The following VGLL4 variants were observed in gnomAD, a reference collection of about 807,000 sequenced individuals.
VGLL4 encodes the protein vestigial like family member 4.
VGLL4 carries 7 observed loss-of-function variants against 21.0 expected under a neutral mutation model. The observed-to-expected ratio is 0.33, with a 90% confidence interval of 0.19 to 0.63. VGLL4 has a LOEUF of 0.63. Ranked by LOEUF, VGLL4 falls within the 20% of genes least tolerant of loss-of-function variation. The pLI, the probability that VGLL4 is intolerant of heterozygous loss-of-function variation, is 0.78. For synonymous variants in VGLL4, 222 were observed against 173.2 expected (o/e 1.28, Z -2.21); for missense variants, 394 against 425.7 (o/e 0.93, Z 0.66).
chr3:11,675,118 G>T (rs918562792), intron 2 of VGLL4, among the ~76,000 whole-genome samples: 2 of 152,196 alleles, frequency 1.3e-5, no homozygotes, highest in Non-Finnish European at 2.9e-5. Flanking sequence ...GAGGTGGGTG[G>T]ATCACCTGAG....
At chr3:11,573,306 A>AAT (rs2073898845) in intron 2 of VGLL4, among the ~76,000 whole-genome samples, 1 of 14,054 alleles carries the variant, frequency 7.1e-5, no homozygotes, top group Non-Finnish European at 1.2e-4. Flanking sequence ...AAAGAAAGAA[A>AAT]GGAAGGAAGG....
chr3:11,666,248 C>CAAA (rs61052269), intron 2 of VGLL4, among the ~76,000 whole-genome samples: 1 of 91,546 alleles, frequency 1.1e-5, no homozygotes, highest in East Asian at 3.2e-4. Context: ...GACTGCGCCT[C>CAAA]AAAAAAAAAA....
At chr3:11,720,185 G>A (rs1250197488) in intron 1 of VGLL4, among the ~76,000 whole-genome samples, 1 of 150,240 alleles carries the variant, frequency 6.7e-6, no homozygotes, top group Non-Finnish European at 1.5e-5. Flanking sequence ...GAGTTCAGCC[G>A]AACCTGCGGC....
At chr3:11,564,706 C>CGCCCTCCCTCACCACT in intron 3 of VGLL4, 91 bp downstream of exon 3, 6 of 1,445,830 alleles carry the variant, frequency 4.1e-6, no homozygotes, top group Non-Finnish European at 5.6e-6. Context: ...CCCTCACCAC[C>CGCCCTCCCTCACCACT]GCCCTCGGAG....
rs184495983 is a variant in VGLL4 at position 11,591,107 on chromosome 3, G to A, written c.272+10726C>T. On this transcript the variant is annotated intron_variant, in intron 2 of 4. Transcript: ENST00000430365. ...GTGCCCAGAGCAGAAGCATCTTCGCGAAGACAGCATTCCAAAAAGCACACT... is the reference window on the plus strand; with the variant it reads ...GTGCCCAGAGCAGAAGCATCTTCGCAAAGACAGCATTCCAAAAAGCACACT... Among the ~76,000 whole-genome samples the A allele has an allele frequency of 5.9e-5, 9 of 152,280 alleles. No individual in the cohort carries two copies. The East Asian group carries it at 7.7e-4, about 13-fold the overall frequency.
chr3:11,674,186 T>C (rs965636953), intron 2 of VGLL4, among the ~76,000 whole-genome samples: 3 of 152,134 alleles, frequency 2.0e-5, no homozygotes, highest in African/African-American at 7.2e-5. Context: ...AGATGTTTTC[T>C]GCAATATCTC....
At chr3:11,620,486 G>A (rs2075244915) in intron 1 of VGLL4, among the ~76,000 whole-genome samples, 1 of 152,096 alleles carries the variant, frequency 6.6e-6, no homozygotes, top group Admixed American at 6.5e-5. Context: ...AAAGGCGTTA[G>A]CACCCCAGGG....
At chr3:11,591,925 A>G (rs993262692) in intron 2 of VGLL4, among the ~76,000 whole-genome samples, 7 of 152,266 alleles carry the variant, frequency 4.6e-5, no homozygotes, top group African/African-American at 1.7e-4. Context: ...TGTAACAACA[A>G]TATTGCAGTT....
intron 1 of VGLL4, among the ~76,000 whole-genome samples, chr3:11,614,068 A>G (rs575519430): frequency 6.6e-6 from 1 of 152,362 alleles, no homozygotes; most frequent in African/African-American, 2.4e-5. Flanking sequence ...ACCCACACAC[A>G]GGCTCAGAGC....
chr3:11,635,325 GAAAGAAGCAGGA>G (rs150029324), intron 1 of VGLL4, among the ~76,000 whole-genome samples: 4,292 of 152,290 alleles, frequency 0.028, 195 homozygotes, highest in African/African-American at 0.097. Context: ...ATGATGAAGG[GAAAGAAGCAGGA>G]GAGGAAGAGG....
At chr3:11,575,895 C>T (rs1392184009) in intron 2 of VGLL4, among the ~76,000 whole-genome samples, 3 of 152,238 alleles carry the variant, frequency 2.0e-5, no homozygotes, top group Non-Finnish European at 4.4e-5. Flanking sequence ...GACCCGTTGC[C>T]TCTAGAGAGG....
upstream of VGLL4, among the ~76,000 whole-genome samples, chr3:11,648,084 G>A (rs535602108): frequency 2.0e-5 from 3 of 152,212 alleles, no homozygotes; most frequent in African/African-American, 7.2e-5. Flanking sequence ...TAGTTTTGTA[G>A]GGAATTGGAA....
chr3:11,642,741 A>G (rs557827868), intron 1 of VGLL4, among the ~76,000 whole-genome samples: 1 of 152,326 alleles, frequency 6.6e-6, no homozygotes, highest in South Asian at 2.1e-4. Context: ...GAGGTAATAA[A>G]TAACAGTTCG....
At chr3:11,717,909 G>A (rs1005063557) in intron 1 of VGLL4, among the ~76,000 whole-genome samples, 3 of 152,164 alleles carry the variant, frequency 2.0e-5, no homozygotes, top group Non-Finnish European at 4.4e-5. Context: ...GTTTGAGTAC[G>A]AGTAACATTT....
Position 11,564,890 on chromosome 3 carries a change from G to T in VGLL4, c.402C>A (p.Gly134=). ...SHLYTSLPSL[G]LEQPLALTKN... ...TGGTCAGTGCGAGGGGCTGCTCCAG[G>T]CCAAGGCTGGGGAGGGAGGTGTACA... The change falls in exon 3 of 5, where the codon GGC becomes GGA. Residue 134 remains glycine, a synonymous_variant. Coordinates refer to ENST00000430365, the MANE Select transcript of VGLL4 (RefSeq NM_001128219.3). The T allele has an allele frequency of 6.2e-7, 1 of 1,607,988 alleles. No individual in the cohort carries two copies.
chr3:11,716,085 C>T (rs2076915085), intron 1 of VGLL4, among the ~76,000 whole-genome samples: 1 of 151,794 alleles, frequency 6.6e-6, no homozygotes, highest in Non-Finnish European at 1.5e-5. Flanking sequence ...AGGCAGATCA[C>T]GAGGTCAGGA....
rs1312552725 is a variant in VGLL4 at position 11,557,058 on chromosome 3, CCCA to C, written c.*1495_*1497del. 6.6e-6 allele frequency: 1 copy of C among 152,494 alleles called. No homozygotes were observed. Among genetic ancestry groups the C allele is most frequent in the Non-Finnish European group, 1.5e-5 (1 of 68,046 alleles). The allele number at this position is 152,494 out of a possible 1,614,324, so 9.4% of individuals were successfully genotyped here. A position where few individuals can be genotyped will look rare whatever the true frequency, so the allele number is the denominator to read the frequency against. ...AAGCCTTGCAGGTGAGGTGACCACG[CCCA>C]CGTCACCTGGTCAGGTGCCATCGTC... On this transcript the variant is annotated 3_prime_UTR_variant, in exon 5 of 5. Transcript: ENST00000430365.
At chr3:11,694,813 T>C (rs1285064797) in intron 2 of VGLL4, among the ~76,000 whole-genome samples, 1 of 152,024 alleles carries the variant, frequency 6.6e-6, no homozygotes, top group East Asian at 1.9e-4. Context: ...CAGAACCAAA[T>C]CCGGCAGACT....
At chr3:11,590,975 A>G (rs541550489) in intron 2 of VGLL4, among the ~76,000 whole-genome samples, 1 of 152,288 alleles carries the variant, frequency 6.6e-6, no homozygotes, top group South Asian at 2.1e-4. Context: ...AGCACTTCAT[A>G]TACATTCAGG....
Sources: allele counts gnomAD v4.1 joint callset (sites outside exome capture counted in the v4.1 genomes callset), GRCh38; gene constraint gnomAD v4.1.1; transcripts MANE v1.5; gene names NCBI Gene and HGNC (gene_info 2026-07-23, HGNC 2026-07-21).